The following PLCL1 variants were observed in gnomAD, a reference collection of about 807,000 sequenced individuals.
PLCL1 encodes inactive phospholipase C-like protein 1.
PLCL1 carries 41 observed loss-of-function variants against 84.4 expected under a neutral mutation model. The observed-to-expected ratio is 0.49, with a 90% CI of 0.38 to 0.63. PLCL1 has a LOEUF of 0.63. Among genes scored for constraint, PLCL1 ranks in the 30% least tolerant of loss-of-function variants. PLCL1 has a pLI of 0.00. For missense variants in PLCL1, 1,206 were observed against 1,367.8 expected (o/e 0.88, Z 1.87); for synonymous variants, 490 against 488.3 (o/e 1.00, Z -0.05).
At chr2:197,959,177 G>T (rs1188507909) in intron 1 of PLCL1, among the ~76,000 whole-genome samples, 1 of 152,028 alleles carries the variant, frequency 6.6e-6, no homozygotes, top group Non-Finnish European at 1.5e-5. Context: ...TACAGATATA[G>T]AGAGAAAGAG....
intron 2 of PLCL1, 145 bp from the exon 3 acceptor site, chr2:198,088,713 C>G (rs1692945260): frequency 1.4e-6 from 1 of 709,080 alleles, no homozygotes; most frequent in African/African-American, 1.7e-5. Flanking sequence ...GTGGTGATTG[C>G]TAAAAATTGA....
chr2:198,009,289 T>G (rs1690809893), intron 1 of PLCL1, among the ~76,000 whole-genome samples: 1 of 152,038 alleles, frequency 6.6e-6, no homozygotes, highest in African/African-American at 2.4e-5. Context: ...TACCCCTATG[T>G]TTCTTTCTAG....
Position 197,804,790 on chromosome 2 carries a change from T to G in PLCL1, c.-310T>G. The G allele has an allele frequency of 3.7e-6, 1 of 267,146 alleles. No individual in the cohort carries two copies. The allele number at this position is 267,146 out of a possible 1,614,324, so 16.5% of individuals were successfully genotyped here. A position where few individuals can be genotyped will look rare whatever the true frequency, so the allele number is the denominator to read the frequency against. On this transcript the variant is annotated 5_prime_UTR_variant, in exon 1 of 6. Transcript: ENST00000428675. ...GCGCAGGGCCGGCGTTTGCATCACA[T>G]TTCGGATACCTCCCTCTCTTTTTCG...
At chr2:198,023,380 A>G (rs1453738250) in intron 1 of PLCL1, among the ~76,000 whole-genome samples, 3 of 152,232 alleles carry the variant, frequency 2.0e-5, no homozygotes, top group Non-Finnish European at 4.4e-5. Context: ...AATTGCAACA[A>G]AAGCCAAAAT....
intron 1 of PLCL1, among the ~76,000 whole-genome samples, chr2:197,839,079 T>G (rs1279546335): frequency 6.6e-6 from 1 of 152,216 alleles, no homozygotes; most frequent in Non-Finnish European, 1.5e-5. Flanking sequence ...AAGAAGAATT[T>G]AATACCACAT....
intron 1 of PLCL1, among the ~76,000 whole-genome samples, chr2:197,971,339 A>G (rs1689859516): frequency 6.6e-6 from 1 of 152,230 alleles, no homozygotes; most frequent in African/African-American, 2.4e-5. Context: ...AGAAAGTAAA[A>G]TAGGTGGTAA....
chr2:197,876,136 G>A (rs1261752245), intron 1 of PLCL1, among the ~76,000 whole-genome samples: 2 of 152,220 alleles, frequency 1.3e-5, no homozygotes, highest in Non-Finnish European at 2.9e-5. Context: ...AGCACATTGA[G>A]GGGAGTTACT....
intron 1 of PLCL1, among the ~76,000 whole-genome samples, chr2:197,996,891 T>C (rs1434216232): frequency 6.6e-6 from 1 of 152,158 alleles, no homozygotes; most frequent in Admixed American, 6.5e-5. Context: ...GCTGCACTAA[T>C]GACATTAGGG....
chr2:197,832,419 T>C (rs1343291062), intron 1 of PLCL1, among the ~76,000 whole-genome samples: 1 of 152,116 alleles, frequency 6.6e-6, no homozygotes, highest in East Asian at 1.9e-4. Flanking sequence ...AATACGTAAA[T>C]TCCTGAACAC....
chr2:198,016,445 C>CT (rs1690999114), intron 1 of PLCL1, among the ~76,000 whole-genome samples: 3 of 152,168 alleles, frequency 2.0e-5, no homozygotes, highest in African/African-American at 7.2e-5. Flanking sequence ...TATTTATAAA[C>CT]TGCAGTGCTC....
intron 1 of PLCL1, among the ~76,000 whole-genome samples, chr2:198,027,671 A>T (rs996998667): frequency 1.3e-5 from 2 of 152,208 alleles, no homozygotes; most frequent in African/African-American, 2.4e-5. Context: ...ATATTAGTAG[A>T]AAACTGATAT....
intron 1 of PLCL1, among the ~76,000 whole-genome samples, chr2:197,930,776 A>G (rs1030600231): frequency 6.6e-6 from 1 of 152,202 alleles, no homozygotes; most frequent in African/African-American, 2.4e-5. Context: ...ATGGAGGGGC[A>G]TGTTTGCAAT....
intron 1 of PLCL1, among the ~76,000 whole-genome samples, chr2:197,811,817 T>A (rs1473016604): frequency 6.6e-6 from 1 of 152,210 alleles, no homozygotes; most frequent in East Asian, 1.9e-4. Flanking sequence ...TTACTTCTTT[T>A]CTCTTGACTT....
intron 1 of PLCL1, among the ~76,000 whole-genome samples, chr2:198,025,473 T>A (rs1300809174): frequency 6.6e-6 from 1 of 152,018 alleles, no homozygotes; most frequent in Non-Finnish European, 1.5e-5. Context: ...ACATAATATT[T>A]TATTCATTAG....
chr2:197,978,271 T>C (rs546313811), intron 1 of PLCL1, among the ~76,000 whole-genome samples: 36 of 152,236 alleles, frequency 2.4e-4, no homozygotes, highest in Admixed American at 2.4e-3. Flanking sequence ...GGTCAGGAGA[T>C]AGAGACCATC....
intron 1 of PLCL1, among the ~76,000 whole-genome samples, chr2:197,863,516 A>G (rs1687472373): frequency 2.6e-5 from 4 of 152,314 alleles, no homozygotes; most frequent in Middle Eastern, 6.8e-3. Context: ...TTAAAAAATC[A>G]GAATGGATAT....
intron 1 of PLCL1, among the ~76,000 whole-genome samples, chr2:198,049,457 C>A (rs761212055): frequency 6.6e-6 from 1 of 152,100 alleles, no homozygotes; most frequent in Non-Finnish European, 1.5e-5. Context: ...GAAGAAAAAG[C>A]AAAGGCAAGA....
intron 1 of PLCL1, among the ~76,000 whole-genome samples, chr2:197,864,685 G>C (rs113251013): frequency 0.012 from 1,794 of 152,036 alleles, 36 homozygotes; most frequent in African/African-American, 0.041. Context: ...TGTTGCCCCG[G>C]CTGGCCTTGA....
intron 1 of PLCL1, among the ~76,000 whole-genome samples, chr2:197,892,563 C>T (rs893330739): frequency 1.3e-5 from 2 of 152,188 alleles, no homozygotes; most frequent in African/African-American, 4.8e-5. Flanking sequence ...GTGGTTTAAA[C>T]AAATAGGGAT....
Sources: allele counts gnomAD v4.1 joint callset (sites outside exome capture counted in the v4.1 genomes callset), GRCh38; gene constraint gnomAD v4.1.1; transcripts MANE v1.5; gene names NCBI Gene and HGNC (gene_info 2026-07-23, HGNC 2026-07-21).